SLCO3A1: variants seen among roughly 807,000 people sequenced by gnomAD.
SLCO3A1 encodes PGE1 transporter.
SLCO3A1 carries 27 observed loss-of-function variants against 63.1 expected under a neutral mutation model. The observed-to-expected ratio is 0.43, with a 90% confidence interval of 0.32 to 0.59. The LOEUF is 0.59. Among genes scored for constraint, SLCO3A1 ranks in the 20% least tolerant of loss-of-function variants. The pLI is 0.09. For synonymous variants in SLCO3A1, 473 were observed against 409.9 expected, an observed-to-expected ratio of 1.15 and a Z score of -1.86; for missense variants, 773 against 945.8, an observed-to-expected ratio of 0.82 and a Z score of 2.40.
At chr15:92,095,234 C>G (rs186941719) in intron 3 of SLCO3A1, among the ~76,000 whole-genome samples, 2 of 152,344 alleles carry the variant, frequency 1.3e-5, no homozygotes, top group African/African-American at 4.8e-5. Flanking sequence ...CTCCTCAAAT[C>G]TGTATTTTCC....
chr15:92,087,694 T>C (rs2047423435), intron 2 of SLCO3A1, among the ~76,000 whole-genome samples: 1 of 151,908 alleles, frequency 6.6e-6, no homozygotes, highest in African/African-American at 2.4e-5. Context: ...AATTTTGTAT[T>C]TTTAGTAGAG....
At chr15:91,959,487 T>G (rs1406537359) in intron 2 of SLCO3A1, among the ~76,000 whole-genome samples, 1 of 152,066 alleles carries the variant, frequency 6.6e-6, no homozygotes, top group Non-Finnish European at 1.5e-5. Context: ...CCCAGCACTT[T>G]GGGAAGCTGA....
chr15:91,853,746 C>G lies in SLCO3A1; in HGVS notation c.-163C>G. ...CGGCGGCGGCGGCGAGGAGCTGTGC[C>G]TTCCACCTCTCCAGCCCCGGCAGGA... On this transcript the variant is annotated 5_prime_UTR_variant, in exon 1 of 10. Coordinates refer to ENST00000318445, the MANE Select transcript of SLCO3A1 (RefSeq NM_013272.4). 3.1e-6 allele frequency: 2 copies of G among 642,964 alleles called. No homozygotes were observed. The highest frequency in any genetic ancestry group is 1.2e-4 in the Admixed American group (2 of 17,122). The allele number at this position is 642,964 out of a possible 1,614,324, so 39.8% of individuals were successfully genotyped here. A position where few individuals can be genotyped will look rare whatever the true frequency, so the allele number is the denominator to read the frequency against.
At chr15:91,998,005 C>G (rs2046211709) in intron 2 of SLCO3A1, among the ~76,000 whole-genome samples, 1 of 152,142 alleles carries the variant, frequency 6.6e-6, no homozygotes, top group South Asian at 2.1e-4. Flanking sequence ...AACAAATTAA[C>G]TAAAGAGCTT....
At chr15:92,041,328 G>A (rs1175068551) in intron 2 of SLCO3A1, among the ~76,000 whole-genome samples, 2 of 152,116 alleles carry the variant, frequency 1.3e-5, no homozygotes, top group Non-Finnish European at 2.9e-5. Flanking sequence ...AGGCAGGGAG[G>A]GAGACACAGA....
chr15:91,994,510 C>G (rs2046166824), intron 2 of SLCO3A1, among the ~76,000 whole-genome samples: 1 of 152,188 alleles, frequency 6.6e-6, no homozygotes, highest in South Asian at 2.1e-4. Flanking sequence ...TCCATGCCCT[C>G]AGCAGCTACG....
chr15:91,993,139 G>T (rs902087217), intron 2 of SLCO3A1, among the ~76,000 whole-genome samples: 1 of 152,184 alleles, frequency 6.6e-6, no homozygotes, highest in Non-Finnish European at 1.5e-5. Flanking sequence ...AGAAGAGGAA[G>T]CAGAAATTCT....
At chr15:92,128,226 G>A (rs1451464520) in intron 6 of SLCO3A1, 125 bp from the exon 7 acceptor site, 2 of 1,162,708 alleles carry the variant, frequency 1.7e-6, no homozygotes, top group African/African-American at 1.5e-5. Flanking sequence ...GGGAGAACCA[G>A]GTAACAATCC....
chr15:92,088,132 A>G (rs1167371545), intron 2 of SLCO3A1, among the ~76,000 whole-genome samples: 4 of 152,190 alleles, frequency 2.6e-5, no homozygotes, highest in Admixed American at 1.3e-4. Flanking sequence ...TGGGCAAGCA[A>G]TTGCCAAGAA....
chr15:91,988,220 T>C (rs2046079342), intron 2 of SLCO3A1, among the ~76,000 whole-genome samples: 1 of 151,986 alleles, frequency 6.6e-6, no homozygotes, highest in African/African-American at 2.4e-5. Flanking sequence ...CTGGGCAATG[T>C]GGCGAAACCT....
chr15:92,094,048 G>T (rs983842731), intron 2 of SLCO3A1, among the ~76,000 whole-genome samples: 1 of 152,216 alleles, frequency 6.6e-6, no homozygotes, highest in African/African-American at 2.4e-5. Flanking sequence ...AGAACTGTCA[G>T]TGCTCAAGAA....
chr15:92,164,052 T>G lies in SLCO3A1; in HGVS notation c.*917T>G. 1 of 983,864 alleles carries G rather than the reference T, an allele frequency of 1.0e-6. No individual in the cohort carries two copies. The highest frequency in any genetic ancestry group is 1.2e-6 in the Non-Finnish European group (1 of 828,456). The allele number at this position is 983,864 out of a possible 1,614,324, so 60.9% of individuals were successfully genotyped here. ...CCATTTTTAAAAGAAAAAAATACAA[T>G]CCATATGAATTTCAAACTGTTGTAT... On this transcript the variant is annotated 3_prime_UTR_variant, in exon 10 of 10. Transcript: ENST00000318445.
At chr15:91,955,579 G>A (rs189632822) in intron 2 of SLCO3A1, among the ~76,000 whole-genome samples, 379 of 152,154 alleles carry the variant, frequency 2.5e-3, no homozygotes, top group African/African-American at 7.1e-3. Flanking sequence ...GTAATCCACC[G>A]CCTCAGCCTA....
chr15:91,857,946 T>A (rs1028249418), intron 1 of SLCO3A1, among the ~76,000 whole-genome samples: 6 of 152,204 alleles, frequency 3.9e-5, no homozygotes, highest in Non-Finnish European at 8.8e-5. Context: ...TTTAGAGTTA[T>A]AGAAAAATAA....
At chr15:92,136,102 C>A (rs539601360) in intron 7 of SLCO3A1, among the ~76,000 whole-genome samples, 1 of 152,250 alleles carries the variant, frequency 6.6e-6, no homozygotes, top group East Asian at 1.9e-4. Flanking sequence ...AAACTAAGAC[C>A]TCATCTCTGA....
intron 1 of SLCO3A1, among the ~76,000 whole-genome samples, chr15:91,898,328 C>T (rs910536686): frequency 6.6e-6 from 1 of 152,204 alleles, no homozygotes; most frequent in East Asian, 1.9e-4. Context: ...GAGTGCATTT[C>T]CTTTTACATT....
At chr15:92,066,501 C>G (rs920594802) in intron 2 of SLCO3A1, among the ~76,000 whole-genome samples, 1 of 152,224 alleles carries the variant, frequency 6.6e-6, no homozygotes, top group Non-Finnish European at 1.5e-5. Context: ...AACCTGAACA[C>G]TCTTGAACAA....
intron 2 of SLCO3A1, among the ~76,000 whole-genome samples, chr15:91,951,586 C>G (rs1478825667): frequency 7.0e-6 from 1 of 143,798 alleles, no homozygotes; most frequent in Non-Finnish European, 1.5e-5. Context: ...GACAGAGTCT[C>G]ACTTTGTCAT....
At chr15:91,879,561 G>T (rs1315954959) in intron 1 of SLCO3A1, among the ~76,000 whole-genome samples, 2 of 152,086 alleles carry the variant, frequency 1.3e-5, no homozygotes, top group Non-Finnish European at 2.9e-5. Flanking sequence ...ATGGTTTTTA[G>T]GTTGCAACAA....
Sources: gnomAD v4.1 joint callset for allele counts (sites outside exome capture counted in the v4.1 genomes callset) on GRCh38, gnomAD v4.1.1 for gene constraint, MANE v1.5 for transcripts, NCBI Gene and HGNC (gene_info 2026-07-23, HGNC 2026-07-21) for gene names.